SLIT3: variants seen among roughly 807,000 people sequenced by gnomAD.
SLIT3 encodes the protein slit guidance ligand 3.
Under a neutral mutation model 184.0 loss-of-function variants are expected in SLIT3, and 68 were observed. The ratio of observed to expected loss-of-function variants is 0.37; its 90% CI spans 0.30 to 0.45. SLIT3 has a LOEUF of 0.45. Among genes scored for constraint, SLIT3 ranks in the 20% least tolerant of loss-of-function variants. The probability of loss-of-function intolerance (pLI) is 1.00; values close to 1 mark genes in which losing one functional copy is unlikely to be tolerated. For missense variants in SLIT3, 1,707 were observed against 2,026.0 expected (o/e 0.84, Z 3.02); for synonymous variants, 831 against 828.6 (o/e 1.00, Z -0.05).
At chr5:168,686,886 C>G in intron 30 of SLIT3, 93 bp downstream of exon 30, 1 of 1,503,714 alleles carries the variant, frequency 6.7e-7, no homozygotes, top group Non-Finnish European at 9.1e-7. Context: ...CCACCTGGGC[C>G]TGAGTCTCCA....
chr5:169,040,634 C>T lies in SLIT3; in HGVS notation c.413+152845G>A, dbSNP rs376025768. Among the ~76,000 whole-genome samples, 3 of 152,288 alleles carry T rather than the reference C, an allele frequency of 2.0e-5. No homozygotes were observed. In the South Asian group the frequency reaches 6.2e-4, roughly 32 times the overall value. ...AAATGTATCTTCATCTGGATTCCAG[C>T]TGGTGTGGCATCTCAATTACTCCTC... On this transcript the variant is annotated intron_variant, in intron 4 of 35. Coordinates refer to ENST00000519560, the MANE Select transcript of SLIT3 (RefSeq NM_003062.4).
At chr5:168,867,884 G>A (rs889260754) in intron 5 of SLIT3, among the ~76,000 whole-genome samples, 2 of 152,136 alleles carry the variant, frequency 1.3e-5, no homozygotes, top group African/African-American at 4.8e-5. Context: ...CACATCCTTG[G>A]CCTGCAGCAG....
intron 13 of SLIT3, 35 bp downstream of exon 13, chr5:168,774,200 T>G (rs755504962): frequency 1.4e-5 from 22 of 1,567,374 alleles, no homozygotes; most frequent in Non-Finnish European, 1.9e-5. Context: ...TCCTGCTGCT[T>G]GGGCACCCAC....
At chr5:169,266,442 C>T (rs1392429983) in intron 1 of SLIT3, among the ~76,000 whole-genome samples, 1 of 152,194 alleles carries the variant, frequency 6.6e-6, no homozygotes, top group Non-Finnish European at 1.5e-5. Flanking sequence ...ATAATACGTG[C>T]CATTTCCAGG....
chr5:169,209,699 GA>G (rs1764193056), intron 3 of SLIT3, among the ~76,000 whole-genome samples: 1 of 152,154 alleles, frequency 6.6e-6, no homozygotes, highest in Admixed American at 6.5e-5. Flanking sequence ...CCCAGGAACA[GA>G]AAACCAAACA....
chr5:169,197,984 T>C (rs918354451), intron 3 of SLIT3, among the ~76,000 whole-genome samples: 1 of 152,186 alleles, frequency 6.6e-6, no homozygotes, highest in Non-Finnish European at 1.5e-5. Flanking sequence ...AACCCATCCA[T>C]GTATCCATTC....
intron 23 of SLIT3, among the ~76,000 whole-genome samples, chr5:168,714,047 G>A (rs1762642258): frequency 6.6e-6 from 1 of 152,120 alleles, no homozygotes; most frequent in Non-Finnish European, 1.5e-5. Context: ...CAGTTCTCTG[G>A]TGAAATTCTC....
In SLIT3 at chr5:169,025,837, G is replaced by T. The variant is rs1756800555; in HGVS notation, c.414-142501C>A. Reference sequence around the variant, plus strand: ...TTGGCTGATGGAAAATAATAAATAAGGCTCCCAGGGCCTGCACTTTGTATT... The same window carrying T: ...TTGGCTGATGGAAAATAATAAATAATGCTCCCAGGGCCTGCACTTTGTATT... On this transcript the variant is annotated intron_variant, in intron 4 of 35. Transcript: ENST00000519560. Among the ~76,000 whole-genome samples, 3 of 152,130 alleles carry T rather than the reference G, an allele frequency of 2.0e-5. No individual in the cohort carries two copies. In the South Asian group the frequency reaches 6.2e-4, roughly 32 times the overall value.
At chr5:168,716,116 C>T (rs1204836623) in intron 23 of SLIT3, among the ~76,000 whole-genome samples, 8 of 152,196 alleles carry the variant, frequency 5.3e-5, no homozygotes, top group South Asian at 2.1e-4. Context: ...TGTAGGTGTG[C>T]GCCAGCATGC....
intron 4 of SLIT3, among the ~76,000 whole-genome samples, chr5:169,137,265 C>G (rs1171531469): frequency 1.3e-5 from 2 of 151,886 alleles, no homozygotes; most frequent in African/African-American, 4.8e-5. Flanking sequence ...CTCCCCTTCT[C>G]TCTCTCAATT....
chr5:168,882,310 C>G (rs1299800253), intron 5 of SLIT3, among the ~76,000 whole-genome samples: 1 of 152,108 alleles, frequency 6.6e-6, no homozygotes, highest in Non-Finnish European at 1.5e-5. Context: ...CCCGTGGGCA[C>G]AAAGGTTTAG....
intron 25 of SLIT3, among the ~76,000 whole-genome samples, chr5:168,709,102 T>TTTG (rs10622638): frequency 0.18 from 21,671 of 123,400 alleles, 2,114 homozygotes; most frequent in Non-Finnish European, 0.23. Context: ...TTTCTGTTTG[T>TTTG]TTTTTTTTTT....
chr5:169,173,517 A>C (rs1675760504), intron 4 of SLIT3, among the ~76,000 whole-genome samples: 1 of 152,156 alleles, frequency 6.6e-6, no homozygotes, highest in South Asian at 2.1e-4. Flanking sequence ...TCTGAAAACA[A>C]GGGCACACCC....
intron 4 of SLIT3, among the ~76,000 whole-genome samples, chr5:168,920,811 T>A (rs190802991): frequency 6.6e-6 from 1 of 152,306 alleles, no homozygotes; most frequent in Admixed American, 6.5e-5. Context: ...TCTCCCTATT[T>A]TTTTTAAAAA....
intron 4 of SLIT3, among the ~76,000 whole-genome samples, chr5:168,964,366 G>C (rs1763111396): frequency 6.6e-6 from 1 of 152,198 alleles, no homozygotes; most frequent in African/African-American, 2.4e-5. Flanking sequence ...TAAGTTTCCT[G>C]GATGAATTAC....
chr5:169,172,425 G>A (rs2113420396), intron 4 of SLIT3, among the ~76,000 whole-genome samples: 1 of 152,310 alleles, frequency 6.6e-6, no homozygotes, highest in Non-Finnish European at 1.5e-5. Flanking sequence ...GTCAAAAGGT[G>A]TTTGGGAACT....
intron 4 of SLIT3, among the ~76,000 whole-genome samples, chr5:169,023,146 C>CT (rs1353041670): frequency 6.6e-6 from 1 of 152,034 alleles, no homozygotes; most frequent in Non-Finnish European, 1.5e-5. Context: ...TTTTGGATGT[C>CT]TTTTTTAGGA....
At chr5:169,085,257 G>C (rs992031163) in intron 4 of SLIT3, among the ~76,000 whole-genome samples, 1 of 152,184 alleles carries the variant, frequency 6.6e-6, no homozygotes, top group African/African-American at 2.4e-5. Flanking sequence ...TTATTACACT[G>C]CTGAGTTATA....
intron 4 of SLIT3, among the ~76,000 whole-genome samples, chr5:169,088,402 T>G (rs1759407603): frequency 6.6e-6 from 1 of 151,842 alleles, no homozygotes; most frequent in Admixed American, 6.6e-5. Flanking sequence ...CTTCGATTTT[T>G]TTTTTTTTTT....
Sources: allele counts gnomAD v4.1 joint callset (sites outside exome capture counted in the v4.1 genomes callset), GRCh38; gene constraint gnomAD v4.1.1; transcripts MANE v1.5; gene names NCBI Gene and HGNC (gene_info 2026-07-23, HGNC 2026-07-21).